SLC8A1: variants seen among roughly 807,000 people sequenced by gnomAD.
SLC8A1 encodes sodium/calcium exchanger 1.
Under a neutral mutation model 68.3 loss-of-function variants are expected in SLC8A1, and 18 were observed. The observed-to-expected ratio is 0.26, with a 90% CI of 0.18 to 0.39. SLC8A1 has a LOEUF of 0.39. SLC8A1 is among the 10% of genes least tolerant of loss of function. The pLI is 1.00. For missense variants in SLC8A1, 985 were observed against 1,156.7 expected, an observed-to-expected ratio of 0.85 and a Z score of 2.15; for synonymous variants, 475 against 415.5, an observed-to-expected ratio of 1.14 and a Z score of -1.74.
intron 2 of SLC8A1, among the ~76,000 whole-genome samples, chr2:40,282,643 C>T (rs1283878667): frequency 2.0e-5 from 3 of 152,190 alleles, no homozygotes; most frequent in African/African-American, 7.2e-5. Context: ...CGTTTAGTAC[C>T]GAAATAAAAA....
At chr2:40,461,078 C>G (rs1019915421) in intron 1 of SLC8A1, among the ~76,000 whole-genome samples, 14 of 152,098 alleles carry the variant, frequency 9.2e-5, no homozygotes, top group Admixed American at 9.2e-4. Context: ...TAGCAGAATC[C>G]TATTACCGCT....
At chr2:40,444,502 T>C (rs1161004103) in intron 1 of SLC8A1, among the ~76,000 whole-genome samples, 1 of 152,162 alleles carries the variant, frequency 6.6e-6, no homozygotes, top group Non-Finnish European at 1.5e-5. Context: ...GCCATTTCTC[T>C]TCACACTACA....
chr2:40,366,327 T>G (rs1433395882), intron 2 of SLC8A1, among the ~76,000 whole-genome samples: 3 of 152,110 alleles, frequency 2.0e-5, no homozygotes, highest in African/African-American at 7.2e-5. Flanking sequence ...AAATAAGTGT[T>G]ATTGTGGTAT....
intron 2 of SLC8A1, among the ~76,000 whole-genome samples, chr2:40,187,816 C>G (rs1228132423): frequency 6.6e-6 from 1 of 152,076 alleles, no homozygotes; most frequent in African/African-American, 2.4e-5. Context: ...ATGTTCTATG[C>G]TATTATGGTA....
At chr2:40,160,223 AG>A (rs1288040398) in intron 6 of SLC8A1, among the ~76,000 whole-genome samples, 5 of 152,204 alleles carry the variant, frequency 3.3e-5, no homozygotes, top group Non-Finnish European at 7.4e-5. Context: ...TTCATTTTGT[AG>A]GAACTTCCTA....
chr2:40,205,865 C>G (rs911766659), intron 2 of SLC8A1, among the ~76,000 whole-genome samples: 8 of 149,172 alleles, frequency 5.4e-5, no homozygotes, highest in Non-Finnish European at 5.9e-5. Flanking sequence ...AGGCAACATT[C>G]TATTTCAGTT....
At chr2:40,430,956 C>T (rs779082299) in intron 1 of SLC8A1, among the ~76,000 whole-genome samples, 6 of 152,272 alleles carry the variant, frequency 3.9e-5, no homozygotes, top group Non-Finnish European at 4.4e-5. Flanking sequence ...AGCTCAATGG[C>T]ATTTGTTCTT....
chr2:40,300,722 A>C (rs2071299246), intron 2 of SLC8A1, among the ~76,000 whole-genome samples: 1 of 152,164 alleles, frequency 6.6e-6, no homozygotes, highest in South Asian at 2.1e-4. Flanking sequence ...AAGCCTCTCC[A>C]GGAGCAAAGT....
chr2:40,477,974 G>A (rs1704394906), intron 1 of SLC8A1, among the ~76,000 whole-genome samples: 1 of 152,144 alleles, frequency 6.6e-6, no homozygotes, highest in Non-Finnish European at 1.5e-5. Context: ...AAAAGGTACT[G>A]TATAAATAAA....
At chr2:40,111,197 T>C (rs1252800457) in exon 8 of SLC8A1, 1 of 152,192 alleles carries the variant, frequency 6.6e-6, no homozygotes, top group Non-Finnish European at 1.5e-5. Flanking sequence ...AAGGATGGAA[T>C]CAGGAAATTT....
intron 2 of SLC8A1, among the ~76,000 whole-genome samples, chr2:40,402,591 A>G (rs1446374676): frequency 6.6e-6 from 1 of 152,178 alleles, no homozygotes; most frequent in Admixed American, 6.5e-5. Flanking sequence ...GCTTTTATTG[A>G]TTGAAACATA....
rs137928999 is a variant in SLC8A1, at chr2:40,217,064, G to C, written c.1809-39209C>G. ...TTGCTTTTGGTGTTTTCGTCATGAA[G>C]TCTTTGCCCATGCCTAGATATTGCC... On this transcript the variant is annotated intron_variant, in intron 2 of 7. Transcript: ENST00000406785. 8.6e-3 allele frequency among the ~76,000 whole-genome samples: 1,312 copies of C among 152,222 alleles called. 22 individuals carry two copies. Among genetic ancestry groups the C allele is most frequent in the African/African-American group, 0.03 (1,228 of 41,542 alleles).
At chr2:40,336,407 T>C (rs1017356874) in intron 2 of SLC8A1, among the ~76,000 whole-genome samples, 2 of 152,214 alleles carry the variant, frequency 1.3e-5, no homozygotes, top group Admixed American at 6.5e-5. Context: ...TTCATCATAA[T>C]GTCCACTAAA....
chr2:40,195,830 A>G (rs1183319855), intron 2 of SLC8A1: 1 of 152,092 alleles, frequency 6.6e-6, no homozygotes, highest in Non-Finnish European at 1.5e-5. Flanking sequence ...TGAAGTGGTA[A>G]TTGAAGGCAC....
intron 7 of SLC8A1, chr2:40,123,197 A>G (rs1229899553): frequency 2.6e-5 from 4 of 152,268 alleles, no homozygotes; most frequent in Non-Finnish European, 5.9e-5. Context: ...TAACTGATAC[A>G]TTTGACAACG....
intron 2 of SLC8A1, among the ~76,000 whole-genome samples, chr2:40,257,157 G>A (rs2064059563): frequency 6.6e-6 from 1 of 151,956 alleles, no homozygotes; most frequent in South Asian, 2.1e-4. Context: ...TTTTAATTGG[G>A]CTTTAGCTAA....
intron 2 of SLC8A1, among the ~76,000 whole-genome samples, chr2:40,193,000 T>G (rs1300013779): frequency 6.6e-6 from 1 of 152,142 alleles, no homozygotes; most frequent in Non-Finnish European, 1.5e-5. Flanking sequence ...TATGTGTGCA[T>G]TCCCCGTGAC....
chr2:40,220,681 G>T (rs1047423335), intron 2 of SLC8A1, among the ~76,000 whole-genome samples: 34 of 152,080 alleles, frequency 2.2e-4, no homozygotes, highest in African/African-American at 7.7e-4. Flanking sequence ...GGATGTGGGG[G>T]TGGTGAAAAG....
intron 2 of SLC8A1, among the ~76,000 whole-genome samples, chr2:40,229,486 C>A (rs2059380418): frequency 6.6e-6 from 1 of 152,026 alleles, no homozygotes. Flanking sequence ...GCATTAAACT[C>A]TCTTCTGTGT....
Sources: gnomAD v4.1 joint callset for allele counts (sites outside exome capture counted in the v4.1 genomes callset) on GRCh38, gnomAD v4.1.1 for gene constraint, MANE v1.5 for transcripts, NCBI Gene and HGNC (gene_info 2026-07-23, HGNC 2026-07-21) for gene names.